LIPN: variants seen among roughly 807,000 people sequenced by gnomAD.
LIPN encodes the protein lipase member N.
Under a neutral mutation model 43.7 loss-of-function variants are expected in LIPN, and 32 were observed. The ratio of observed to expected loss-of-function variants is 0.73; its 90% CI spans 0.55 to 0.98. The LOEUF (loss-of-function observed/expected upper bound fraction) is 0.98. Ranked by LOEUF, LIPN falls within the 50% of genes least tolerant of loss-of-function variation. The pLI is 0.00. For synonymous variants in LIPN, 156 were observed against 157.6 expected, an observed-to-expected ratio of 0.99 and a Z score of 0.08; for missense variants, 505 against 483.8, an observed-to-expected ratio of 1.04 and a Z score of -0.41.
chr10:88,764,718 T>C, intron 4 of LIPN, 110 bp downstream of exon 4: 8 of 713,962 alleles, frequency 1.1e-5, no homozygotes, highest in East Asian at 8.8e-5. Context: ...TAGCTCCTTG[T>C]AGTTTCTGTT....
intron 5 of LIPN, 42 bp from the exon 6 acceptor site, chr10:88,768,750 G>GT: frequency 1.3e-6 from 2 of 1,584,672 alleles, no homozygotes; most frequent in South Asian, 2.3e-5. Flanking sequence ...CACTGCGTAA[G>GT]TATTTATTTT....
chr10:88,768,910 T>G lies in LIPN; in HGVS notation c.654T>G (p.Leu218=), dbSNP rs1843158001. 1 of 1,611,228 alleles carries G rather than the reference T, an allele frequency of 6.2e-7. No individual in the cohort carries two copies. The highest frequency in any genetic ancestry group is 8.5e-7 in the Non-Finnish European group (1 of 1,178,256). Reference sequence around the variant, plus strand: ...GCATTTTTACCAGGTTTTTTCTACTTCCAAATTCCATAATCAAGGTAGGCT... The same window carrying G: ...GCATTTTTACCAGGTTTTTTCTACTGCCAAATTCCATAATCAAGGTAGGCT... ...PTGIFTRFFL[L]PNSIIKAVFG... The change falls in exon 6 of 10, where the codon CTT becomes CTG. Residue 218 remains leucine (L), a synonymous_variant. Coordinates refer to ENST00000404459, the MANE Select transcript of LIPN (RefSeq NM_001102469.2).
At chr10:88,758,275 G>A (rs74493800), upstream of LIPN, among the ~76,000 whole-genome samples, 197 of 151,188 alleles carry the variant, frequency 1.3e-3, 2 homozygotes, top group East Asian at 0.021. Context: ...AGCTTAGGCC[G>A]TAATATGATT....
At position 88,761,393 on chromosome 10, in the gene LIPN, G is replaced by A; in HGVS notation, c.-8-5G>A. On this transcript the variant is annotated splice_polypyrimidine_tract_variant and splice_region_variant and intron_variant, in intron 1 of 9. Coordinates refer to ENST00000404459, the MANE Select transcript of LIPN (RefSeq NM_001102469.2). ...AATCTGTGAATATTAAATGTTTTAT[G>A]CCAGGCATTTCTATGATGTGGCTGC... 1.3e-6 allele frequency: 2 copies of A among 1,509,948 alleles called. No homozygotes were observed. Among genetic ancestry groups the A allele is most frequent in the Non-Finnish European group, 1.8e-6 (2 of 1,086,174 alleles). The allele number at this position is 1,509,948 out of a possible 1,614,324, so 93.5% of individuals were successfully genotyped here.
intron 9 of LIPN, among the ~76,000 whole-genome samples, chr10:88,777,423 C>T (rs1409812625): frequency 6.6e-6 from 1 of 151,874 alleles, no homozygotes; most frequent in Non-Finnish European, 1.5e-5. Flanking sequence ...TGCCTTCAAC[C>T]TATTCTTTCT....
At chr10:88,774,265 G>A (rs1244288733) in intron 7 of LIPN, among the ~76,000 whole-genome samples, 2 of 152,022 alleles carry the variant, frequency 1.3e-5, no homozygotes, top group Non-Finnish European at 2.9e-5. Flanking sequence ...TGGTACAGGT[G>A]TGCTGTCAAG....
intron 2 of LIPN, 49 bp from the exon 3 acceptor site, chr10:88,762,139 T>G (rs754642489): frequency 3.1e-6 from 3 of 964,860 alleles, no homozygotes; most frequent in South Asian, 1.4e-5. Flanking sequence ...TGATTCCTTT[T>G]TATATCCTTT....
chr10:88,774,262 G>A (rs1447017918), intron 7 of LIPN, among the ~76,000 whole-genome samples: 1 of 152,008 alleles, frequency 6.6e-6, no homozygotes, highest in African/African-American at 2.4e-5. Context: ...AGCTGGTACA[G>A]GTGTGCTGTC....
Position 88,770,996 on chromosome 10 carries a change from G to A in LIPN, c.819+5G>A. 9 of 1,562,330 alleles carry A rather than the reference G, an allele frequency of 5.8e-6. No individual in the cohort carries two copies. The highest frequency in any genetic ancestry group is 7.8e-6 in the Non-Finnish European group (9 of 1,152,050). On this transcript the variant is annotated splice_donor_5th_base_variant and intron_variant, in intron 7 of 9. Transcript: ENST00000404459. ...AACAAGAAAAATATGAATCAGGTAT[G>A]TATGATAATTATAGGGCCATTTGAT...
At chr10:88,776,697 G>T (rs893437919) in intron 9 of LIPN, among the ~76,000 whole-genome samples, 8 of 152,070 alleles carry the variant, frequency 5.3e-5, no homozygotes, top group African/African-American at 1.7e-4. Context: ...TCATCATTTT[G>T]TTCACCAGTG....
Position 88,774,501 on chromosome 10 carries a change from C to T in LIPN, c.848C>T (p.Ala283Val), listed in dbSNP as rs1418132032. 1.9e-6 allele frequency: 3 copies of T among 1,611,134 alleles called. No individual in the cohort carries two copies. Among genetic ancestry groups the T allele is most frequent in the Admixed American group, 3.3e-5 (2 of 59,780 alleles). ...QSRMDVYMSH[A>V]PTGSSVHNIL... Reference sequence around the variant, plus strand: ...CGAATGGATGTGTATATGTCACATGCTCCCACTGGTTCATCAGTACACAAC... The same window carrying T: ...CGAATGGATGTGTATATGTCACATGTTCCCACTGGTTCATCAGTACACAAC... Residue 283 changes from alanine (A) to valine (V), a missense_variant, in exon 8 of 10, where the codon GCT becomes GTT. Coordinates refer to ENST00000404459, the MANE Select transcript of LIPN (RefSeq NM_001102469.2).
intron 7 of LIPN, among the ~76,000 whole-genome samples, chr10:88,774,145 C>T (rs2134858916): frequency 6.6e-6 from 1 of 152,144 alleles, no homozygotes. Context: ...CGCATGCATG[C>T]ATCACCCCCA....
At chr10:88,762,475 A>T (rs1278423766) in intron 3 of LIPN, among the ~76,000 whole-genome samples, 170 bp downstream of exon 3, 2 of 152,088 alleles carry the variant, frequency 1.3e-5, no homozygotes, top group Non-Finnish European at 2.9e-5. Context: ...AATTCTCTGA[A>T]GACAGACAGG....
At position 88,775,303 on chromosome 10, in the gene LIPN, A is replaced by T. The variant is rs150432116; in HGVS notation, c.963+140A>T. On this transcript the variant is annotated intron_variant, in intron 9 of 9. Coordinates refer to ENST00000404459, the MANE Select transcript of LIPN (RefSeq NM_001102469.2). ...TTTTTTTAAAAAAATTTTAATTTTAATTTTAATTTATTTCAGAAAATTTAT... is the reference window on the plus strand; with the variant it reads ...TTTTTTTAAAAAAATTTTAATTTTATTTTTAATTTATTTCAGAAAATTTAT... The T allele has an allele frequency of 4.7e-3, 1,992 of 419,770 alleles. 54 individuals are homozygous for T. In the East Asian group the frequency reaches 0.062, roughly 13 times the overall value. 26.0% of individuals were successfully genotyped at this position (419,770 alleles called of 1,614,324 possible).
In LIPN at chr10:88,764,541, C is replaced by A. The variant is rs200069492; in HGVS notation, c.358C>A (p.Arg120=). 51 of 1,611,652 alleles carry A rather than the reference C, an allele frequency of 3.2e-5. No homozygotes were observed. In the African/African-American group the frequency reaches 5.6e-4, roughly 18 times the overall value. ...TTATGATGTATGGATGGGAAACAGT[C>A]GGGGAAACACTTGGTCAAGAAGACA... ...AGYDVWMGNS[R]GNTWSRRHKT... is the part of the protein sequence containing the mutation. Residue 120 remains arginine (R), a synonymous_variant, in exon 4 of 10, where the codon CGG becomes AGG. Transcript: ENST00000404459.
At position 88,766,351 on chromosome 10, in the gene LIPN, A is replaced by AAG; in HGVS notation, c.508_509insAG (p.Ile170LysfsTer10). The AAG allele has an allele frequency of 1.9e-6, 3 of 1,605,290 alleles. No homozygotes were observed. The highest frequency in any genetic ancestry group is 2.6e-6 in the Non-Finnish European group (3 of 1,172,768). ...AACTGGTCAGGAGAAATTGTATTTC[A>AAG]TTGGACATTCACTTGGCACTACAAT... On this transcript the variant is annotated frameshift_variant, in exon 5 of 10. Coordinates refer to ENST00000404459, the MANE Select transcript of LIPN (RefSeq NM_001102469.2). LOFTEE classifies it high-confidence loss of function.
Position 88,778,149 on chromosome 10 carries a change from G to T in LIPN, c.1104G>T (p.Leu368Phe). Residue 368 changes from leucine (L) to phenylalanine (F), a missense_variant, in exon 10 of 10, where the codon TTG becomes TTT. Physicochemically the swap from Leu to Phe is conservative, Grantham distance 22. Transcript: ENST00000404459. ...QIKSLHYFKL[L>F]PDWNHFDFVW... ...AGAGTCTTCATTACTTTAAGCTATT[G>T]CCAGATTGGAACCACTTTGATTTTG... is the stretch of plus-strand genomic sequence containing the variant. 1.2e-6 allele frequency: 2 copies of T among 1,613,502 alleles called. No individual in the cohort carries two copies. The highest frequency in any genetic ancestry group is 8.5e-7 in the Non-Finnish European group (1 of 1,179,694).
At chr10:88,769,579 T>TG (rs1843171952) in intron 6 of LIPN, 50 of 984,544 alleles carry the variant, frequency 5.1e-5, no homozygotes, top group Non-Finnish European at 5.8e-5. Flanking sequence ...AACACAGCAT[T>TG]TAATCAAATT....
At chr10:88,768,015 TAC>T (rs60861050) in intron 5 of LIPN, among the ~76,000 whole-genome samples, 43,398 of 140,624 alleles carry the variant, frequency 0.31, 7,270 homozygotes, top group Non-Finnish European at 0.4. Flanking sequence ...AGTGTTTCAG[TAC>T]ACACACACAC....
Sources: allele counts gnomAD v4.1 joint callset (sites outside exome capture counted in the v4.1 genomes callset), GRCh38; gene constraint gnomAD v4.1.1; transcripts MANE v1.5; gene names NCBI Gene and HGNC (gene_info 2026-07-23, HGNC 2026-07-21).